Variants in TSPAN7 observed in about 807,000 individuals in gnomAD.
TSPAN7 encodes the protein tetraspanin-7.
Under a neutral mutation model 17.6 loss-of-function variants are expected in TSPAN7, and 1 was observed. That is an observed-to-expected ratio of 0.06 (90% CI 0.02 to 0.27). TSPAN7 has a LOEUF of 0.27. Among genes scored for constraint, TSPAN7 ranks in the 10% least tolerant of loss-of-function variants. The probability of loss-of-function intolerance (pLI) is 1.00; values close to 1 mark genes in which losing one functional copy is unlikely to be tolerated. For missense variants in TSPAN7, 112 were observed against 201.7 expected (o/e 0.56, Z 2.69); for synonymous variants, 78 against 79.0 (o/e 0.99, Z 0.07).
chrX:38,587,379 C>G (rs1476176392), intron 1 of TSPAN7, among the ~76,000 whole-genome samples: 2 of 112,071 alleles, frequency 1.8e-5, no homozygotes, highest in Admixed American at 1.9e-4. Context: ...TATATGTACA[C>G]ATATACACAA....
At chrX:38,587,097 A>C (rs758597806) in intron 1 of TSPAN7, among the ~76,000 whole-genome samples, 71 of 112,590 alleles carry the variant, frequency 6.3e-4, no homozygotes, top group Non-Finnish European at 1.1e-3. Flanking sequence ...GGAAAGGTGC[A>C]ACTGGCATCT....
intron 1 of TSPAN7, among the ~76,000 whole-genome samples, chrX:38,597,708 T>G (rs755899131): frequency 9.0e-6 from 1 of 111,610 alleles, no homozygotes; most frequent in African/African-American, 3.2e-5. Flanking sequence ...TTGTGGTGAC[T>G]TCATAAAACA....
At chrX:38,565,247 C>T (rs866744197) in intron 1 of TSPAN7, among the ~76,000 whole-genome samples, 4 of 110,666 alleles carry the variant, frequency 3.6e-5, no homozygotes, top group Non-Finnish European at 7.6e-5. Context: ...TTTGTTTGTT[C>T]GAGGCAGAGT....
At chrX:38,595,423 A>G (rs1231034586) in intron 1 of TSPAN7, among the ~76,000 whole-genome samples, 1 of 111,814 alleles carries the variant, frequency 8.9e-6, no homozygotes, top group Non-Finnish European at 1.9e-5. Flanking sequence ...CTCATTACAT[A>G]TGTTCTGAAA....
chrX:38,681,358 T>G, intron 6 of TSPAN7, 71 bp downstream of exon 6: 2 of 921,387 alleles, frequency 2.2e-6, no homozygotes, highest in Non-Finnish European at 3.2e-6. Flanking sequence ...CCAGATTCTC[T>G]GCCTGCCTTC....
intron 1 of TSPAN7, among the ~76,000 whole-genome samples, chrX:38,609,298 A>G (rs990096765): frequency 1.8e-5 from 2 of 111,985 alleles, no homozygotes; most frequent in Non-Finnish European, 3.8e-5. Flanking sequence ...CTCTCTTCAC[A>G]CAACCTTTCT....
intron 1 of TSPAN7, among the ~76,000 whole-genome samples, chrX:38,634,885 T>G (rs1399440054): frequency 4.5e-5 from 5 of 110,320 alleles, no homozygotes; most frequent in Non-Finnish European, 9.5e-5. Context: ...CTGCCGCTCA[T>G]GTGCATAACC....
chrX:38,618,159 C>T (rs1282664578), intron 1 of TSPAN7, among the ~76,000 whole-genome samples: 2 of 111,467 alleles, frequency 1.8e-5, no homozygotes, highest in African/African-American at 6.5e-5. Flanking sequence ...TCTAAATAAT[C>T]AGGAGTACAG....
chrX:38,636,003 A>G (rs1260707310), intron 1 of TSPAN7, among the ~76,000 whole-genome samples: 4 of 111,801 alleles, frequency 3.6e-5, no homozygotes, highest in Non-Finnish European at 7.5e-5. Flanking sequence ...TTTTCAGGTG[A>G]AACTTTTAAA....
chrX:38,561,546 T>G lies in TSPAN7; in HGVS notation c.-1T>G. The G allele has an allele frequency of 8.4e-7, 1 of 1,184,878 alleles. No homozygotes were observed. Among genetic ancestry groups the G allele is most frequent in the Admixed American group, 2.2e-5 (1 of 45,019 alleles). On this transcript the variant is annotated 5_prime_UTR_variant, in exon 1 of 8. Coordinates refer to ENST00000378482, the MANE Select transcript of TSPAN7 (RefSeq NM_004615.4). ...CGCCGCCGCCGCCGGAGCTCTGTAG[T>G]ATGGCATCGAGGAGAATGGAGACCA...
chrX:38,660,248 C>T (rs905657468), intron 1 of TSPAN7, among the ~76,000 whole-genome samples: 2 of 111,983 alleles, frequency 1.8e-5, no homozygotes, highest in African/African-American at 6.5e-5. Context: ...TTTAAAAACA[C>T]TAAGTATACA....
chrX:38,631,170 T>C (rs1475612519), intron 1 of TSPAN7, among the ~76,000 whole-genome samples: 2 of 111,192 alleles, frequency 1.8e-5, no homozygotes, highest in Non-Finnish European at 3.8e-5. Flanking sequence ...CTGGCATTTT[T>C]ATAGTGGTGG....
chrX:38,629,452 A>C (rs1015188949), intron 1 of TSPAN7, among the ~76,000 whole-genome samples: 8 of 112,544 alleles, frequency 7.1e-5, no homozygotes, highest in African/African-American at 2.3e-4. Context: ...CACTGGAAGA[A>C]AACGTGTTGA....
intron 1 of TSPAN7, among the ~76,000 whole-genome samples, chrX:38,577,647 A>G (rs1216702636): frequency 1.4e-5 from 1 of 73,952 alleles, no homozygotes; most frequent in East Asian, 5.6e-4. Context: ...GGAACATCAC[A>G]CACCGGGGCC....
rs190697857 is a variant in TSPAN7 at position 38,673,482 on chromosome X, C to T, written c.346-739C>T. Among the ~76,000 whole-genome samples, 517 of 106,980 alleles carry T rather than the reference C, an allele frequency of 4.8e-3. 1 individual carries two copies. Among genetic ancestry groups the T allele is most frequent in the Non-Finnish European group, 8.4e-3 (437 of 52,009 alleles). 92.9% of individuals were successfully genotyped at this position (106,980 alleles called of 115,157 possible). On this transcript the variant is annotated intron_variant, in intron 3 of 7. Transcript: ENST00000378482. ...TCCTGGGTTCAAGCGATTCTCTTGA[C>T]TCAGCCACCCAAGTAGCTGGGATTA...
intron 1 of TSPAN7, among the ~76,000 whole-genome samples, chrX:38,611,860 C>T (rs2069420710): frequency 8.9e-6 from 1 of 111,732 alleles, no homozygotes; most frequent in African/African-American, 3.3e-5. Context: ...AATAGCAGCT[C>T]CTTAAAGACC....
chrX:38,670,360 G>A (rs1485077708), intron 2 of TSPAN7, among the ~76,000 whole-genome samples: 4 of 111,709 alleles, frequency 3.6e-5, no homozygotes, highest in East Asian at 2.8e-4. Context: ...TTAATGTTTC[G>A]TAAATACCAT....
chrX:38,659,568 A>G (rs1363042300), intron 1 of TSPAN7, among the ~76,000 whole-genome samples: 1 of 111,205 alleles, frequency 9.0e-6, no homozygotes, highest in Non-Finnish European at 1.9e-5. Flanking sequence ...ATATCAGGTG[A>G]TCTGCCCAAA....
chrX:38,668,652 G>T (rs1224346102), intron 2 of TSPAN7, among the ~76,000 whole-genome samples: 1 of 112,129 alleles, frequency 8.9e-6, no homozygotes, highest in East Asian at 2.8e-4. Context: ...TGGCCAAATA[G>T]TATTCCATTG....
Sources: allele counts gnomAD v4.1 joint callset (sites outside exome capture counted in the v4.1 genomes callset), GRCh38; gene constraint gnomAD v4.1.1; transcripts MANE v1.5; gene names NCBI Gene and HGNC (gene_info 2026-07-23, HGNC 2026-07-21).